The following NRXN1 variants were observed in gnomAD, a reference collection of about 807,000 sequenced individuals.
NRXN1 encodes neurexin 1, also known as neurexin-1.
NRXN1 carries 39 observed loss-of-function variants against 150.9 expected under a neutral mutation model. That is an observed-to-expected ratio of 0.26 (90% CI 0.20 to 0.34). The LOEUF is 0.34. Ranked by LOEUF, NRXN1 falls within the 10% of genes least tolerant of loss-of-function variation. The pLI is 1.00. For synonymous variants in NRXN1, 924 were observed against 757.0 expected (o/e 1.22, Z -3.62); for missense variants, 1,815 against 1,949.9 (o/e 0.93, Z 1.30).
At chr2:50,198,387 A>C (rs1447860010) in intron 18 of NRXN1, among the ~76,000 whole-genome samples, 1 of 152,076 alleles carries the variant, frequency 6.6e-6, no homozygotes, top group African/African-American at 2.4e-5. Context: ...GGAGAATAAG[A>C]CTGCTCTAAT....
intron 5 of NRXN1, chr2:50,918,661 C>T (rs940737272): frequency 2.8e-6 from 1 of 361,314 alleles, no homozygotes; most frequent in Non-Finnish European, 5.0e-6. Context: ...AATAAACAAT[C>T]AAAGCAATTA....
intron 2 of NRXN1, among the ~76,000 whole-genome samples, chr2:50,993,137 G>A (rs915342516): frequency 1.3e-5 from 2 of 151,850 alleles, no homozygotes; most frequent in Admixed American, 6.6e-5. Flanking sequence ...TCTATTACAC[G>A]AGAGAAAGGT....
chr2:50,083,303 T>C (rs1177710777), intron 19 of NRXN1, among the ~76,000 whole-genome samples: 1 of 152,240 alleles, frequency 6.6e-6, no homozygotes, highest in Non-Finnish European at 1.5e-5. Flanking sequence ...ACCACAACTC[T>C]TAGAAAACAT....
chr2:50,388,048 C>T (rs1157982693), intron 17 of NRXN1, among the ~76,000 whole-genome samples: 1 of 152,130 alleles, frequency 6.6e-6, no homozygotes, highest in Non-Finnish European at 1.5e-5. Flanking sequence ...TCATCTTTTA[C>T]TTGAAACTTT....
At position 50,765,831 on chromosome 2, in the gene NRXN1, C is replaced by A. The variant is rs529303444; in HGVS notation, c.833-142216G>T. Among the ~76,000 whole-genome samples the A allele has an allele frequency of 1.4e-4, 22 of 152,130 alleles. No individual in the cohort carries two copies. The South Asian group carries it at 4.4e-3, about 30-fold the overall frequency. On this transcript the variant is annotated intron_variant, in intron 5 of 22. Transcript: ENST00000401669. ...TATCAGAAGCTCAACAGAGCTGAAT[C>A]TATTATGGGATAAGAATGGAAAGAT...
At chr2:50,870,360 G>C (rs748819779) in intron 5 of NRXN1, among the ~76,000 whole-genome samples, 1 of 151,880 alleles carries the variant, frequency 6.6e-6, no homozygotes, top group South Asian at 2.1e-4. Flanking sequence ...GTGGGTGCTC[G>C]TTATGTTGTC....
chr2:50,458,694 C>T (rs2087846532), intron 17 of NRXN1, among the ~76,000 whole-genome samples: 2 of 151,950 alleles, frequency 1.3e-5, no homozygotes, highest in African/African-American at 4.8e-5. Context: ...ATTCTGCTAC[C>T]TCAGCCTCCT....
chr2:50,358,342 T>G (rs1324952203), intron 17 of NRXN1, among the ~76,000 whole-genome samples: 1 of 152,210 alleles, frequency 6.6e-6, no homozygotes, highest in Non-Finnish European at 1.5e-5. Flanking sequence ...TTGAAATTCT[T>G]GCTGCCAGCA....
intron 21 of NRXN1, among the ~76,000 whole-genome samples, chr2:49,978,564 C>G (rs1679405668): frequency 6.6e-6 from 1 of 152,046 alleles, no homozygotes; most frequent in African/African-American, 2.4e-5. Context: ...AAAGACAGAG[C>G]CAGCTGGAGG....
intron 8 of NRXN1, chr2:50,588,783 A>G (rs1673594643): frequency 6.6e-6 from 1 of 152,174 alleles, no homozygotes; most frequent in Non-Finnish European, 1.5e-5. Flanking sequence ...GCGGCAGATC[A>G]TTTGATGTTA....
chr2:50,929,883 G>A (rs1687484171), intron 2 of NRXN1, among the ~76,000 whole-genome samples: 1 of 152,068 alleles, frequency 6.6e-6, no homozygotes, highest in Non-Finnish European at 1.5e-5. Flanking sequence ...GTCTGGGAAT[G>A]CTTCAAGCAC....
At chr2:50,327,539 A>C (rs1041546497) in intron 17 of NRXN1, among the ~76,000 whole-genome samples, 1 of 152,138 alleles carries the variant, frequency 6.6e-6, no homozygotes, top group African/African-American at 2.4e-5. Flanking sequence ...TATTTAAATT[A>C]TATTTCATTG....
chr2:50,217,637 C>T (rs536381560), intron 18 of NRXN1, among the ~76,000 whole-genome samples: 40 of 151,966 alleles, frequency 2.6e-4, no homozygotes, highest in African/African-American at 9.2e-4. Flanking sequence ...AGAAACAGTC[C>T]TAGGAAAGCG....
intron 2 of NRXN1, among the ~76,000 whole-genome samples, chr2:50,949,362 T>C (rs891194197): frequency 6.6e-6 from 1 of 152,030 alleles, no homozygotes; most frequent in African/African-American, 2.4e-5. Context: ...AATTCTGATG[T>C]TTCCAAGAGT....
At chr2:50,627,353 ATGTATG>A (rs1280107878) in intron 5 of NRXN1, among the ~76,000 whole-genome samples, 2 of 81,232 alleles carry the variant, frequency 2.5e-5, no homozygotes, top group African/African-American at 5.2e-5. Context: ...GTTCTGGTTC[ATGTATG>A]TGTGTGTGTG....
At chr2:50,859,023 G>A (rs1445647175) in intron 5 of NRXN1, among the ~76,000 whole-genome samples, 6 of 152,076 alleles carry the variant, frequency 3.9e-5, no homozygotes, top group African/African-American at 1.4e-4. Flanking sequence ...AGATTTTAAA[G>A]CAAATGGCAT....
chr2:50,711,993 C>A (rs1284963468), intron 5 of NRXN1, among the ~76,000 whole-genome samples: 2 of 152,074 alleles, frequency 1.3e-5, no homozygotes, highest in Non-Finnish European at 2.9e-5. Flanking sequence ...ATATAAATTA[C>A]CCAGTTTATA....
chr2:50,229,041 T>A (rs1464997511), intron 18 of NRXN1, among the ~76,000 whole-genome samples: 1 of 152,026 alleles, frequency 6.6e-6, no homozygotes, highest in Non-Finnish European at 1.5e-5. Flanking sequence ...TCAGACCCCA[T>A]AAAAATTATG....
At chr2:50,545,453 G>C (rs1025994647) in intron 9 of NRXN1, among the ~76,000 whole-genome samples, 2 of 152,132 alleles carry the variant, frequency 1.3e-5, no homozygotes, top group African/African-American at 4.8e-5. Context: ...TATCTTCTTA[G>C]GGTGCTACTG....
Sources: allele counts gnomAD v4.1 joint callset (sites outside exome capture counted in the v4.1 genomes callset), GRCh38; gene constraint gnomAD v4.1.1; transcripts MANE v1.5; gene names NCBI Gene and HGNC (gene_info 2026-07-23, HGNC 2026-07-21).